Variants in CNOT1 observed in about 807,000 individuals in gnomAD.
CNOT1 encodes the protein CCR4-associated factor 1.
In CNOT1, 15 loss-of-function variants were observed where a neutral mutation model predicts 273.8. The observed-to-expected ratio is 0.05, with a 90% CI of 0.04 to 0.08. CNOT1 has a LOEUF of 0.08. Among genes scored for constraint, CNOT1 ranks in the 10% least tolerant of loss-of-function variants. The pLI, the probability that CNOT1 is intolerant of heterozygous loss-of-function variation, is 1.00. For missense variants in CNOT1, 1,644 were observed against 2,912.2 expected, an observed-to-expected ratio of 0.56 and a Z score of 10.02; for synonymous variants, 1,022 against 1,005.5, an observed-to-expected ratio of 1.02 and a Z score of -0.31.
intron 18 of CNOT1, among the ~76,000 whole-genome samples, chr16:58,557,960 A>G (rs974670052): frequency 6.6e-6 from 1 of 152,196 alleles, no homozygotes; most frequent in African/African-American, 2.4e-5. Context: ...ACTGCACTCC[A>G]GCCTGGGCAA....
chr16:58,542,156 T>C, intron 33 of CNOT1, 75 bp downstream of exon 33: 1 of 1,547,232 alleles, frequency 6.5e-7, no homozygotes, highest in Non-Finnish European at 8.8e-7. Flanking sequence ...CTAATTCCAG[T>C]AAGGAGTTCA....
intron 17 of CNOT1, among the ~76,000 whole-genome samples, chr16:58,559,245 A>C (rs2040749454): frequency 6.6e-6 from 1 of 152,142 alleles, no homozygotes; most frequent in African/African-American, 2.4e-5. Flanking sequence ...CAGATTAAGG[A>C]TGCTCAACCT....
chr16:58,617,114 A>C (rs2043117931), intron 1 of CNOT1, among the ~76,000 whole-genome samples: 1 of 152,194 alleles, frequency 6.6e-6, no homozygotes, highest in Admixed American at 6.6e-5. Context: ...TAATGCCAGC[A>C]TTTTGGGAGG....
At position 58,521,000 on chromosome 16, in the gene CNOT1, C is replaced by T. The variant is rs112325858; in HGVS notation, c.7089G>A (p.Gln2363=). 1.2e-5 allele frequency: 20 copies of T among 1,614,084 alleles called. No homozygotes were observed. The highest frequency in any genetic ancestry group is 1.2e-4 in the African/African-American group (9 of 75,052). ...FQSVAQCCMG[Q]KQAQQVMEGT... ...CTTCCATTACTTGCTGGGCCTGCTT[C>T]TGTCCCATGCAGCACTGTGCGACCG... The change falls in exon 49 of 49, where the codon CAG becomes CAA. Residue 2363 remains glutamine, a synonymous_variant. Transcript: ENST00000317147.
At chr16:58,544,100 AC>A (rs2040179961) in intron 30 of CNOT1, among the ~76,000 whole-genome samples, 197 bp from the exon 31 acceptor site, 1 of 152,228 alleles carries the variant, frequency 6.6e-6, no homozygotes, top group South Asian at 2.1e-4. Flanking sequence ...ACCCTGTGAT[AC>A]ACAATAATAG....
chr16:58,532,329 G>T lies in CNOT1; in HGVS notation c.5962C>A (p.Leu1988Ile). The T allele has an allele frequency of 1.2e-6, 2 of 1,614,206 alleles. No homozygotes were observed. Among genetic ancestry groups the T allele is most frequent in the Non-Finnish European group, 1.7e-6 (2 of 1,180,028 alleles). The change falls in exon 41 of 49, where the codon CTT becomes ATT. Residue 1988 changes from leucine (L) to isoleucine (I), a missense_variant. Physicochemically the swap from Leu to Ile is conservative, Grantham distance 5. Around this residue, in one of 13 missense-constraint regions of CNOT1, gnomAD observed 133 missense variants for 328.2 expected, o/e 0.41. Coordinates refer to ENST00000317147, the MANE Select transcript of CNOT1 (RefSeq NM_016284.5). ...HDVRQSEFQQ[L>I]PYHRIFIMLL... ...ATGATAAAAATTCGATGGTAGGGAAGTTGCTGAAATTCACTCTGACGAACA... is the reference window on the plus strand; with the variant it reads ...ATGATAAAAATTCGATGGTAGGGAATTTGCTGAAATTCACTCTGACGAACA...
At position 58,575,063 on chromosome 16, in the gene CNOT1, G is replaced by A; in HGVS notation, c.1771C>T (p.Arg591Cys). 6.2e-7 allele frequency: 1 copy of A among 1,614,100 alleles called. No individual in the cohort carries two copies. Among genetic ancestry groups the A allele is most frequent in the Non-Finnish European group, 8.5e-7 (1 of 1,180,020 alleles). The change falls in exon 15 of 49, where the codon CGT (arginine) becomes TGT (cysteine). Residue 591 changes from arginine to cysteine, a missense_variant. Arg to Cys is a radical substitution (Grantham distance 180, BLOSUM62 -3). Around this residue, in one of 13 missense-constraint regions of CNOT1, gnomAD observed 706 missense variants for 1,021.2 expected, o/e 0.69. Transcript: ENST00000317147. ...FVIDLAALASRREYLKLDKWL... is the reference protein window; with the variant it reads ...FVIDLAALASCREYLKLDKWL... ...TTATCAAGTTTGAGGTATTCACGACGTGAAGCAAGTGCAGCAAGGTCAATA... is the reference window on the plus strand; with the variant it reads ...TTATCAAGTTTGAGGTATTCACGACATGAAGCAAGTGCAGCAAGGTCAATA...
In CNOT1 at chr16:58,543,697, C is replaced by T. The variant is rs371468376; in HGVS notation, c.4344G>A (p.Leu1448=). 5.0e-6 allele frequency: 8 copies of T among 1,614,144 alleles called. No homozygotes were observed. The African/African-American group carries it at 5.3e-5, about 11-fold the overall frequency. The change falls in exon 31 of 49, where the codon TTG becomes TTA. Residue 1448 remains leucine (L), a synonymous_variant. Coordinates refer to ENST00000317147, the MANE Select transcript of CNOT1 (RefSeq NM_016284.5). ...RIAAHHMMRN[L]TAGMAMITCR... is the part of the protein sequence containing the mutation. The stretch of plus-strand genomic sequence containing the variant: ...ATGTAATCATAGCCATTCCAGCTGT[C>T]AAGTTACGCATCATGTGATGAGCTG...
chr16:58,524,251 A>C (rs939485479), intron 46 of CNOT1, among the ~76,000 whole-genome samples: 1 of 147,052 alleles, frequency 6.8e-6, no homozygotes, highest in Non-Finnish European at 1.5e-5. Context: ...CTCTATCGCA[A>C]AAAAAAAAAA....
At chr16:58,589,140 C>T (rs189017446) in intron 2 of CNOT1, among the ~76,000 whole-genome samples, 1 of 152,114 alleles carries the variant, frequency 6.6e-6, no homozygotes. Flanking sequence ...GGACTCACAG[C>T]GTCTTCTCGC....
intron 25 of CNOT1, among the ~76,000 whole-genome samples, chr16:58,549,086 C>T (rs917396097): frequency 1.3e-5 from 2 of 151,982 alleles, no homozygotes; most frequent in Admixed American, 1.3e-4. Context: ...GTCAGGAGTT[C>T]GGGACCAGCC....
chr16:58,522,466 G>A (rs576349497), intron 47 of CNOT1, among the ~76,000 whole-genome samples: 1 of 151,134 alleles, frequency 6.6e-6, no homozygotes, highest in Non-Finnish European at 1.5e-5. Context: ...TTAAATTTTA[G>A]TACACAAATC....
chr16:58,581,318 A>T (rs2041652637), intron 11 of CNOT1, 27 bp downstream of exon 11: 1 of 1,582,938 alleles, frequency 6.3e-7, no homozygotes, highest in South Asian at 1.2e-5. Context: ...TTATTCCCCC[A>T]TCTATAGCTA....
intron 16 of CNOT1, among the ~76,000 whole-genome samples, chr16:58,562,650 C>T (rs1000969580): frequency 7.9e-5 from 12 of 151,954 alleles, no homozygotes; most frequent in Non-Finnish European, 1.3e-4. Context: ...AGTGAAATCC[C>T]GTCTCTACTA....
At chr16:58,594,015 C>T (rs867028790) in intron 2 of CNOT1, among the ~76,000 whole-genome samples, 1 of 152,104 alleles carries the variant, frequency 6.6e-6, no homozygotes, top group Non-Finnish European at 1.5e-5. Context: ...GAGGCCAAGG[C>T]GGGCAGATCA....
At chr16:58,625,970 C>G (rs935754886) in intron 1 of CNOT1, among the ~76,000 whole-genome samples, 7 of 151,902 alleles carry the variant, frequency 4.6e-5, no homozygotes, top group African/African-American at 1.7e-4. Flanking sequence ...AAAGGAATTG[C>G]TAGATTCTTC....
chr16:58,566,444 C>A (rs1328950691), intron 16 of CNOT1, among the ~76,000 whole-genome samples: 1 of 152,142 alleles, frequency 6.6e-6, no homozygotes, highest in East Asian at 1.9e-4. Flanking sequence ...AGGTAAACTG[C>A]CTTCTTACAA....
rs369841781 is a variant in CNOT1 at position 58,576,596 on chromosome 16, G to C, written c.1585-14C>G. The C allele has an allele frequency of 2.1e-4, 342 of 1,613,822 alleles. No homozygotes were observed. The highest frequency in any genetic ancestry group is 2.8e-4 in the Non-Finnish European group (326 of 1,179,900). Reference sequence around the variant, plus strand: ...GGGAGACTGTCCCTAAAAAGGGGAAGAAAGATTAAATAGCAATACTGCTAA... The same window carrying C: ...GGGAGACTGTCCCTAAAAAGGGGAACAAAGATTAAATAGCAATACTGCTAA... On this transcript the variant is annotated splice_polypyrimidine_tract_variant and intron_variant, in intron 13 of 48. Coordinates refer to ENST00000317147, the MANE Select transcript of CNOT1 (RefSeq NM_016284.5).
At chr16:58,596,076 C>T (rs2042239863) in intron 2 of CNOT1, among the ~76,000 whole-genome samples, 1 of 152,184 alleles carries the variant, frequency 6.6e-6, no homozygotes, top group African/African-American at 2.4e-5. Flanking sequence ...AAATTGAAAT[C>T]AGTTTCCCTC....
Sources: gnomAD v4.1 joint callset for allele counts (sites outside exome capture counted in the v4.1 genomes callset) on GRCh38, gnomAD v4.1.1 for gene constraint, gnomAD v4.1.1 regional missense constraint, MANE v1.5 for transcripts, NCBI Gene and HGNC (gene_info 2026-07-23, HGNC 2026-07-21) for gene names.